CD200: variants seen among roughly 807,000 people sequenced by gnomAD.
The protein encoded by CD200 is CD200 molecule.
In CD200, 15 loss-of-function variants were observed where a neutral mutation model predicts 30.9. The ratio of observed to expected loss-of-function variants is 0.49; its 90% CI spans 0.32 to 0.75. The LOEUF (loss-of-function observed/expected upper bound fraction) is 0.75, where lower values mean the gene tolerates loss of function less well. Ranked by LOEUF, CD200 falls within the 30% of genes least tolerant of loss-of-function variation. The probability of loss-of-function intolerance (pLI) is 0.03; values close to 1 mark genes in which losing one functional copy is unlikely to be tolerated. For missense variants in CD200, 262 were observed against 324.2 expected (o/e 0.81, Z 1.47); for synonymous variants, 134 against 126.2 (o/e 1.06, Z -0.41).
rs1315819304 is a variant in CD200 at position 112,342,425 on chromosome 3, CTTTCT to C, written c.94+1444_94+1448del. Among the ~76,000 whole-genome samples, 212 of 82,926 alleles carry C rather than the reference CTTTCT, an allele frequency of 2.6e-3. 44 individuals carry two copies. The highest frequency in any genetic ancestry group is 6.3e-3 in the Middle Eastern group (1 of 160). The allele number at this position is 82,926 out of a possible 152,430, so 54.4% of individuals were successfully genotyped here. ...TCTTTCTTTCTTTCTTTCTTTCTTTCTTTCTTCTCTCTCTTTCTATGAAATTTCAC... is the reference window on the plus strand; with the variant it reads ...TCTTTCTTTCTTTCTTTCTTTCTTTCTCTCTCTCTTTCTATGAAATTTCAC... On this transcript the variant is annotated intron_variant, in intron 2 of 5. Transcript: ENST00000315711.
chr3:112,354,686 C>G (rs2081594304), intron 5 of CD200, among the ~76,000 whole-genome samples: 1 of 152,236 alleles, frequency 6.6e-6, no homozygotes, highest in South Asian at 2.1e-4. Context: ...TTATCACGCA[C>G]TTAGCGGCTT....
intron 1 of CD200, chr3:112,333,575 C>T: frequency 1.0e-6 from 1 of 985,418 alleles, no homozygotes; most frequent in Non-Finnish European, 1.2e-6. Flanking sequence ...CTGGCTCCAG[C>T]TCCCAAAACT....
At chr3:112,357,226 A>C (rs1332256845) in intron 5 of CD200, among the ~76,000 whole-genome samples, 1 of 146,442 alleles carries the variant, frequency 6.8e-6, no homozygotes, top group Non-Finnish European at 1.5e-5. Flanking sequence ...GCGCCACTGC[A>C]CTCCAGCCTG....
At chr3:112,360,569 T>C (rs200513595) in intron 5 of CD200, among the ~76,000 whole-genome samples, 2 of 152,336 alleles carry the variant, frequency 1.3e-5, no homozygotes, top group East Asian at 1.9e-4. Flanking sequence ...GTTTTTACTA[T>C]TGAAATTGAA....
At chr3:112,340,294 A>G (rs2081209334) in intron 1 of CD200, among the ~76,000 whole-genome samples, 1 of 152,182 alleles carries the variant, frequency 6.6e-6, no homozygotes, top group Admixed American at 6.5e-5. Flanking sequence ...CCAGAATAAC[A>G]TTATCTTAAA....
At chr3:112,360,759 C>T (rs911904053) in intron 5 of CD200, among the ~76,000 whole-genome samples, 7 of 152,254 alleles carry the variant, frequency 4.6e-5, no homozygotes, top group Non-Finnish European at 5.9e-5. Flanking sequence ...TTTACTTCAT[C>T]GTCTATGTGC....
intron 1 of CD200, among the ~76,000 whole-genome samples, chr3:112,335,581 G>A (rs1418945963): frequency 1.3e-5 from 2 of 152,206 alleles, no homozygotes; most frequent in Non-Finnish European, 2.9e-5. Context: ...CAGGATGAGA[G>A]TCTAAGTGAT....
chr3:112,349,831 C>A lies in CD200; in HGVS notation c.802+12C>A. The A allele has an allele frequency of 6.3e-7, 1 of 1,588,372 alleles. No individual in the cohort carries two copies. Among genetic ancestry groups the A allele is most frequent in the Non-Finnish European group, 8.5e-7 (1 of 1,170,800 alleles). ...GAATCAGGACCGAGGTGAGTTGTCA[C>A]AGGGAGTTCAAAAAATGACATAAAT... is the stretch of plus-strand genomic sequence containing the variant. On this transcript the variant is annotated intron_variant, in intron 5 of 5. Coordinates refer to ENST00000315711, the MANE Select transcript of CD200 (RefSeq NM_005944.7).
intron 2 of CD200, among the ~76,000 whole-genome samples, chr3:112,341,848 T>G (rs187235258): frequency 4.7e-4 from 72 of 152,324 alleles, no homozygotes; most frequent in African/African-American, 1.7e-3. Context: ...CTGCAAAATC[T>G]CAACAAACTT....
At chr3:112,359,921 G>C (rs1310268590) in intron 5 of CD200, among the ~76,000 whole-genome samples, 1 of 152,210 alleles carries the variant, frequency 6.6e-6, no homozygotes, top group Non-Finnish European at 1.5e-5. Context: ...CGCTGAGGTG[G>C]TGACTTTTAA....
Position 112,361,556 on chromosome 3 carries a change from TC to T in CD200, c.*7del, listed in dbSNP as rs748744582. ...TCTTTTATCCAGAGCCCTAAATAAG[TC>T]ACACAGCACCCTGAAAGTGATTCCC... is the stretch of plus-strand genomic sequence containing the variant. On this transcript the variant is annotated 3_prime_UTR_variant, in exon 6 of 6. Coordinates refer to ENST00000315711, the MANE Select transcript of CD200 (RefSeq NM_005944.7). The T allele has an allele frequency of 2.5e-6, 4 of 1,609,338 alleles. No homozygotes were observed. The highest frequency in any genetic ancestry group is 3.4e-6 in the Non-Finnish European group (4 of 1,175,608).
rs1418958790 is a variant in CD200 at position 112,344,856 on chromosome 3, C to T, written c.95-106C>T. ...AAATGTTTTCTTTTTTGCATTTTCT[C>T]TTTCTTTTCTATATTTGACATTGAA... is the stretch of plus-strand genomic sequence containing the variant. On this transcript the variant is annotated intron_variant, in intron 2 of 5. Coordinates refer to ENST00000315711, the MANE Select transcript of CD200 (RefSeq NM_005944.7). The T allele has an allele frequency of 1.3e-5, 12 of 889,504 alleles. 1 individual carries two copies. The Admixed American group carries it at 2.1e-4, about 15-fold the overall frequency. The allele number at this position is 889,504 out of a possible 1,614,324, so 55.1% of individuals were successfully genotyped here.
intron 3 of CD200, among the ~76,000 whole-genome samples, chr3:112,346,888 T>C (rs2081408466): frequency 6.6e-6 from 1 of 152,236 alleles, no homozygotes; most frequent in South Asian, 2.1e-4. Flanking sequence ...ATGAGCTAGT[T>C]AGTTTTTCTT....
chr3:112,333,119 G>A, upstream of CD200: 2 of 1,525,406 alleles, frequency 1.3e-6, no homozygotes, highest in Non-Finnish European at 8.8e-7. Flanking sequence ...GGGAGGTGCG[G>A]CAGGGGCACA....
intron 1 of CD200, among the ~76,000 whole-genome samples, chr3:112,336,345 T>C (rs1049817721): frequency 1.2e-4 from 18 of 151,784 alleles, no homozygotes; most frequent in Non-Finnish European, 5.9e-5. Flanking sequence ...AGAACTCCAT[T>C]CCCGACCCGC....
At chr3:112,347,416 C>T (rs1376698494) in intron 3 of CD200, 142 bp from the exon 4 acceptor site, 37 of 812,712 alleles carry the variant, frequency 4.6e-5, no homozygotes, top group Non-Finnish European at 6.7e-5. Context: ...GGAAAGTCCC[C>T]AGTTTGGGTA....
At chr3:112,333,086 G>C (rs538572687), upstream of CD200, 1,870 of 1,409,428 alleles carry the variant, frequency 1.3e-3, 52 homozygotes, top group South Asian at 0.022. Context: ...GTGGGAGAAG[G>C]GGGCTAGCGA....
At chr3:112,333,134 A>G (rs2081031823), upstream of CD200, 21 of 1,539,642 alleles carry the variant, frequency 1.4e-5, no homozygotes, top group South Asian at 2.5e-4. Context: ...GGCACAGGTG[A>G]CGCTCCTCCC....
intron 5 of CD200, among the ~76,000 whole-genome samples, chr3:112,352,837 C>T (rs151219927): frequency 1.8e-3 from 272 of 152,276 alleles, no homozygotes; most frequent in African/African-American, 6.3e-3. Flanking sequence ...AGAAGTTAGA[C>T]GACCATTACT....
Sources: gnomAD v4.1 joint callset for allele counts (sites outside exome capture counted in the v4.1 genomes callset) on GRCh38, gnomAD v4.1.1 for gene constraint, MANE v1.5 for transcripts, NCBI Gene and HGNC (gene_info 2026-07-23, HGNC 2026-07-21) for gene names.